Variants in BCL2L11 observed in about 807,000 individuals in gnomAD.
BCL2L11 encodes bcl-2-like protein 11.
Under a neutral mutation model 20.6 loss-of-function variants are expected in BCL2L11, and 15 were observed. The ratio of observed to expected loss-of-function variants is 0.73; its 90% CI spans 0.49 to 1.12. BCL2L11 has a LOEUF of 1.12. Among genes scored for constraint, BCL2L11 ranks in the 50% most tolerant of loss-of-function variants. The pLI, the probability that BCL2L11 is intolerant of heterozygous loss-of-function variation, is 0.00. For missense variants in BCL2L11, 292 were observed against 260.9 expected, an observed-to-expected ratio of 1.12 and a Z score of -0.82; for synonymous variants, 108 against 92.8, an observed-to-expected ratio of 1.16 and a Z score of -0.94.
rs755794155 is a variant in BCL2L11 at position 111,165,846 on chromosome 2, C to T, written c.*1615C>T. On this transcript the variant is annotated 3_prime_UTR_variant, in exon 4 of 4. Coordinates refer to ENST00000393256, the MANE Select transcript of BCL2L11 (RefSeq NM_138621.5). ...CTAGTGTTTTGCCCGATAGAAGAGC[C>T]AGCATGTTCACGTTATTTAAATTAG... is the stretch of plus-strand genomic sequence containing the variant. 1 of 152,122 alleles carries T rather than the reference C, an allele frequency of 6.6e-6. No individual in the cohort carries two copies. The highest frequency in any genetic ancestry group is 1.5e-5 in the Non-Finnish European group (1 of 68,020). The allele number at this position is 152,122 out of a possible 1,614,324, so 9.4% of individuals were successfully genotyped here.
chr2:111,124,329 C>T (rs921916352), intron 2 of BCL2L11, among the ~76,000 whole-genome samples, 190 bp downstream of exon 2: 10 of 149,730 alleles, frequency 6.7e-5, no homozygotes, highest in East Asian at 1.9e-4. Context: ...CTTGCTCTGT[C>T]GCCCAGGCTG....
At chr2:111,129,027 T>C (rs1291652420) in intron 2 of BCL2L11, among the ~76,000 whole-genome samples, 1 of 152,228 alleles carries the variant, frequency 6.6e-6, no homozygotes, top group Non-Finnish European at 1.5e-5. Flanking sequence ...TCCATGAAGC[T>C]TACTCCTTGG....
intron 2 of BCL2L11, among the ~76,000 whole-genome samples, chr2:111,145,323 A>T (rs754594980): frequency 6.6e-6 from 1 of 152,140 alleles, no homozygotes; most frequent in Non-Finnish European, 1.5e-5. Context: ...ATGTCACTTT[A>T]TGGCATCGTC....
chr2:111,124,076 G>A lies in BCL2L11; in HGVS notation c.331G>A (p.Asp111Asn), dbSNP rs2150143937. The change falls in exon 2 of 4, where the codon GAC (aspartate) becomes AAC (asparagine). Residue 111 changes from aspartate (D) to asparagine (N), a missense_variant. Transcript: ENST00000393256. ...CAGGAGCCCAGCACCCATGAGTTGT[G>A]ACAAATCAACACAAACCCCAAGTCC... ...TDRSPAPMSC[D>N]KSTQTPSPPC... is the part of the protein sequence containing the mutation. The A allele has an allele frequency of 3.1e-6, 5 of 1,614,058 alleles. No homozygotes were observed. Among genetic ancestry groups the A allele is most frequent in the Non-Finnish European group, 4.2e-6 (5 of 1,180,004 alleles).
In BCL2L11 at chr2:111,150,078, C is replaced by T; in HGVS notation, c.429C>T (p.Arg143=). The T allele has an allele frequency of 6.2e-7, 1 of 1,614,008 alleles. No individual in the cohort carries two copies. The highest frequency in any genetic ancestry group is 1.1e-5 in the South Asian group (1 of 91,084). The change falls in exon 3 of 4, where the codon CGC becomes CGT. Residue 143 remains arginine (R), a synonymous_variant. Transcript: ENST00000393256. ...GGCAGGCTGAACCTGCAGATATGCG[C>T]CCAGAGATATGGATCGCCCAAGAGT... ...SMRQAEPADM[R]PEIWIAQELR... is the part of the protein sequence containing the mutation.
chr2:111,150,393 C>A, intron 3 of BCL2L11: 1 of 594,910 alleles, frequency 1.7e-6, no homozygotes, highest in Non-Finnish European at 2.6e-6. Context: ...GACTTTAAAA[C>A]AATGCTAAAA....
At chr2:111,156,495 T>C (rs2077870057) in intron 3 of BCL2L11, among the ~76,000 whole-genome samples, 1 of 152,202 alleles carries the variant, frequency 6.6e-6, no homozygotes, top group Admixed American at 6.5e-5. Flanking sequence ...GGAGCCTTTC[T>C]TTCCTGTCTT....
intron 2 of BCL2L11, chr2:111,142,349 A>G (rs1299541286): frequency 2.6e-6 from 4 of 1,550,458 alleles, no homozygotes; most frequent in Non-Finnish European, 3.5e-6. Context: ...ATTGCCCTTC[A>G]TAGGGAAGTT....
intron 2 of BCL2L11, among the ~76,000 whole-genome samples, chr2:111,139,414 C>G (rs900071414): frequency 6.6e-6 from 1 of 152,196 alleles, no homozygotes; most frequent in Non-Finnish European, 1.5e-5. Context: ...TCTTGCAATC[C>G]AAACTTACGT....
At chr2:111,133,562 C>T (rs1328028250) in intron 2 of BCL2L11, among the ~76,000 whole-genome samples, 3 of 152,190 alleles carry the variant, frequency 2.0e-5, no homozygotes, top group Non-Finnish European at 4.4e-5. Context: ...CTTTCTGATT[C>T]TGTTATGGTC....
intron 3 of BCL2L11, among the ~76,000 whole-genome samples, chr2:111,152,425 G>A (rs913960043): frequency 9.2e-5 from 14 of 152,224 alleles, no homozygotes; most frequent in Non-Finnish European, 2.1e-4. Flanking sequence ...CGCAGAGCTG[G>A]TTGTGTTAAA....
intron 3 of BCL2L11, among the ~76,000 whole-genome samples, chr2:111,150,840 C>T (rs1426216971): frequency 8.5e-5 from 13 of 152,180 alleles, no homozygotes; most frequent in Admixed American, 8.5e-4. Flanking sequence ...TACCTGGGGG[C>T]AATGTAGGTG....
chr2:111,148,157 TCA>T (rs775532269), intron 2 of BCL2L11, among the ~76,000 whole-genome samples: 41 of 152,320 alleles, frequency 2.7e-4, no homozygotes, highest in South Asian at 1.2e-3. Flanking sequence ...GTTTTCTCTC[TCA>T]GTCATGTGTA....
intron 2 of BCL2L11, among the ~76,000 whole-genome samples, chr2:111,132,761 CT>C (rs1212544294): frequency 5.3e-5 from 8 of 152,192 alleles, no homozygotes; most frequent in African/African-American, 1.7e-4. Context: ...CCCAAAGTAT[CT>C]TGAGGTTCCT....
chr2:111,122,602 T>TGCCGGCGGCGGC, intron 1 of BCL2L11: 2 of 984,388 alleles, frequency 2.0e-6, no homozygotes, highest in Non-Finnish European at 2.4e-6. Flanking sequence ...AGGTCGGCGG[T>TGCCGGCGGCGGC]GCCGGCGGCG....
At chr2:111,132,533 A>G (rs1306696142) in intron 2 of BCL2L11, among the ~76,000 whole-genome samples, 1 of 152,228 alleles carries the variant, frequency 6.6e-6, no homozygotes, top group Non-Finnish European at 1.5e-5. Flanking sequence ...AATACATTTT[A>G]GTCTCATTAT....
intron 3 of BCL2L11, chr2:111,151,897 AT>A: frequency 5.2e-6 from 8 of 1,542,370 alleles, no homozygotes; most frequent in Admixed American, 3.9e-5. Context: ...TGAAATGGTA[AT>A]TTTTTTGGAA....
chr2:111,128,958 A>C (rs2073295588), intron 2 of BCL2L11: 3 of 788,142 alleles, frequency 3.8e-6, no homozygotes, highest in Non-Finnish European at 3.8e-6. Flanking sequence ...GAGGAGCTGG[A>C]GTGTGCAGTG....
intron 2 of BCL2L11, among the ~76,000 whole-genome samples, chr2:111,128,102 C>T (rs2150280524): frequency 6.6e-6 from 1 of 152,100 alleles, no homozygotes; most frequent in Middle Eastern, 3.4e-3. Flanking sequence ...CTCCCCATTT[C>T]CCCCTCCCCC....
Sources: gnomAD v4.1 joint callset for allele counts (sites outside exome capture counted in the v4.1 genomes callset) on GRCh38, gnomAD v4.1.1 for gene constraint, MANE v1.5 for transcripts, NCBI Gene and HGNC (gene_info 2026-07-23, HGNC 2026-07-21) for gene names.